Variants in KIF26B observed in about 807,000 individuals in gnomAD.
The protein encoded by KIF26B is kinesin-like protein KIF26B.
KIF26B carries 63 observed loss-of-function variants against 151.2 expected under a neutral mutation model. The ratio of observed to expected loss-of-function variants is 0.42; its 90% CI spans 0.34 to 0.51. KIF26B has a LOEUF of 0.51. Ranked by LOEUF, KIF26B falls within the 20% of genes least tolerant of loss-of-function variation. The pLI is 0.07. For synonymous variants in KIF26B, 1,357 were observed against 1,262.1 expected (o/e 1.08, Z -1.59); for missense variants, 2,813 against 2,913.6 (o/e 0.97, Z 0.79).
chr1:245,614,811 G>A (rs1360205473), intron 9 of KIF26B: 3 of 152,280 alleles, frequency 2.0e-5, no homozygotes, highest in Non-Finnish European at 2.9e-5. Context: ...CTCACACCAT[G>A]TAGAGCGCTT....
At chr1:245,607,297 G>C (rs1231355875) in intron 6 of KIF26B, among the ~76,000 whole-genome samples, 1 of 152,104 alleles carries the variant, frequency 6.6e-6, no homozygotes, top group Non-Finnish European at 1.5e-5. Context: ...AGAGTTTAAA[G>C]ACCTTATCCG....
intron 9 of KIF26B, among the ~76,000 whole-genome samples, chr1:245,641,210 T>C (rs7550954): frequency 0.071 from 10,864 of 152,072 alleles, 1,290 homozygotes; most frequent in African/African-American, 0.25. Context: ...GTGTATTTGA[T>C]GTCCGTTGTA....
At chr1:245,171,339 C>T (rs535713237) in intron 2 of KIF26B, among the ~76,000 whole-genome samples, 12 of 152,238 alleles carry the variant, frequency 7.9e-5, no homozygotes, top group Admixed American at 1.3e-4. Context: ...GTCGGGAGTT[C>T]GAAACCAGCC....
intron 5 of KIF26B, among the ~76,000 whole-genome samples, chr1:245,570,994 C>T (rs971927076): frequency 6.6e-6 from 1 of 152,116 alleles, no homozygotes; most frequent in African/African-American, 2.4e-5. Flanking sequence ...AATATATCAG[C>T]GAGAATGATA....
intron 4 of KIF26B, among the ~76,000 whole-genome samples, chr1:245,481,432 T>G (rs1280031339): frequency 1.3e-5 from 2 of 151,902 alleles, no homozygotes; most frequent in African/African-American, 4.8e-5. Flanking sequence ...ATCAGGCTTC[T>G]GTGTTTGAAC....
intron 9 of KIF26B, among the ~76,000 whole-genome samples, chr1:245,643,087 C>A (rs1014855101): frequency 6.6e-6 from 1 of 152,230 alleles, no homozygotes; most frequent in African/African-American, 2.4e-5. Flanking sequence ...TCCACACTTA[C>A]ACGTTTAAAT....
chr1:245,689,344 G>C (rs1202920005), intron 12 of KIF26B, among the ~76,000 whole-genome samples: 2 of 152,146 alleles, frequency 1.3e-5, no homozygotes, highest in African/African-American at 4.8e-5. Flanking sequence ...CTGTGAGGTT[G>C]GTGGCCTGCA....
At position 245,540,515 on chromosome 1, in the gene KIF26B, C is replaced by A; in HGVS notation, c.1167-252C>A. 5.9e-6 allele frequency: 4 copies of A among 679,540 alleles called. No homozygotes were observed. The South Asian group carries it at 6.0e-5, about 10-fold the overall frequency. 42.1% of individuals were successfully genotyped at this position (679,540 alleles called of 1,614,324 possible). On this transcript the variant is annotated intron_variant, in intron 4 of 14. Coordinates refer to ENST00000407071, the MANE Select transcript of KIF26B (RefSeq NM_018012.4). This position sits in a 1 kb window ranked among gnomAD's most constrained non-coding sequence, Gnocchi z 4.6. ...GAATGTTGGTGGATAACACATCATT[C>A]TTTGTAAATCGTGATTGCAGAATCC...
intron 5 of KIF26B, among the ~76,000 whole-genome samples, chr1:245,574,260 CAGCCTCCCGAGT>C (rs921237723): frequency 4.6e-5 from 7 of 152,202 alleles, no homozygotes; most frequent in Non-Finnish European, 8.8e-5. Flanking sequence ...TCTTGAGCCT[CAGCCTCCCGAGT>C]AGCTGGGATT....
At chr1:245,155,976 G>A (rs1468550478) in intron 1 of KIF26B, among the ~76,000 whole-genome samples, 1 of 141,622 alleles carries the variant, frequency 7.1e-6, no homozygotes, top group Non-Finnish European at 1.5e-5. Context: ...AAAAGCGTGG[G>A]GCGCTGAACC....
chr1:245,572,223 C>T lies in KIF26B; in HGVS notation c.1351-30354C>T, dbSNP rs149970636. Among the ~76,000 whole-genome samples, 97 of 152,270 alleles carry T rather than the reference C, an allele frequency of 6.4e-4. No individual in the cohort carries two copies. The highest frequency in any genetic ancestry group is 1.9e-3 in the African/African-American group (77 of 41,542). ...TGCTCAGGACTTATTTACCTAATGT[C>T]GTTTGGCCTGGAATGTTTCAGAGCA... On this transcript the variant is annotated intron_variant, in intron 5 of 14. Transcript: ENST00000407071. This position sits in a 1 kb window ranked among gnomAD's most constrained non-coding sequence, Gnocchi z 4.2.
chr1:245,675,008 T>C (rs1040271814), intron 10 of KIF26B, among the ~76,000 whole-genome samples: 1 of 152,176 alleles, frequency 6.6e-6, no homozygotes, highest in Non-Finnish European at 1.5e-5. Context: ...AGGCTCGTAA[T>C]TCTCTAGAGG....
At chr1:245,415,367 G>A (rs1005343728) in intron 3 of KIF26B, among the ~76,000 whole-genome samples, 2 of 152,100 alleles carry the variant, frequency 1.3e-5, no homozygotes, top group East Asian at 1.9e-4. Context: ...GGTTACAACC[G>A]AAGGTACTGT....
intron 12 of KIF26B, among the ~76,000 whole-genome samples, chr1:245,691,004 G>C (rs146987845): frequency 1.8e-3 from 279 of 152,298 alleles, no homozygotes; most frequent in Admixed American, 5.0e-3. Flanking sequence ...TCTAATCCAC[G>C]CAGCCTCGGT....
At chr1:245,324,860 C>T (rs1328440276) in intron 2 of KIF26B, among the ~76,000 whole-genome samples, 2 of 152,122 alleles carry the variant, frequency 1.3e-5, no homozygotes, top group African/African-American at 2.4e-5. Flanking sequence ...TCTGGGAGGT[C>T]GAGGTGGGCG....
chr1:245,336,248 T>G lies in KIF26B; in HGVS notation c.466-30586T>G, dbSNP rs373285920. On this transcript the variant is annotated intron_variant, in intron 2 of 14. Coordinates refer to ENST00000407071, the MANE Select transcript of KIF26B (RefSeq NM_018012.4). ...TGGGCTTTCTGCTGCACGGATGCCA[T>G]CTAGAAGAAGCACCATCCACTGTTC... 4.3e-4 allele frequency among the ~76,000 whole-genome samples: 65 copies of G among 152,326 alleles called. 1 individual carries two copies. In the South Asian group the frequency reaches 0.013, roughly 31 times the overall value.
chr1:245,609,138 G>T, intron 7 of KIF26B, 128 bp from the exon 8 acceptor site: 1 of 832,060 alleles, frequency 1.2e-6, no homozygotes, highest in Non-Finnish European at 1.8e-6. Flanking sequence ...TCATCTTTTT[G>T]TTCCTTCTCT....
intron 4 of KIF26B, among the ~76,000 whole-genome samples, chr1:245,539,054 G>A (rs1661545360): frequency 6.6e-6 from 1 of 152,100 alleles, no homozygotes; most frequent in South Asian, 2.1e-4. Flanking sequence ...TGAAAAGAAA[G>A]TGTCCCGTGC....
chr1:245,692,262 T>TAAG (rs2044635349), intron 12 of KIF26B, among the ~76,000 whole-genome samples: 1 of 152,044 alleles, frequency 6.6e-6, no homozygotes, highest in Non-Finnish European at 1.5e-5. Context: ...AAGGCCACTG[T>TAAG]AAGAAGTTTG....
Sources: allele counts gnomAD v4.1 joint callset (sites outside exome capture counted in the v4.1 genomes callset), GRCh38; gene constraint gnomAD v4.1.1; non-coding constraint Gnocchi (gnomAD v3.1); transcripts MANE v1.5; gene names NCBI Gene and HGNC (gene_info 2026-07-23, HGNC 2026-07-21).